The following FMNL3 variants were observed in gnomAD, a reference collection of about 807,000 sequenced individuals.
FMNL3 encodes formin like 3.
In FMNL3, 57 loss-of-function variants were observed where a neutral mutation model predicts 119.6. The observed-to-expected ratio is 0.48, with a 90% CI of 0.39 to 0.59. The LOEUF is 0.59. Ranked by LOEUF, FMNL3 falls within the 20% of genes least tolerant of loss-of-function variation. FMNL3 has a pLI of 0.00. For synonymous variants in FMNL3, 491 were observed against 507.3 expected, an observed-to-expected ratio of 0.97 and a Z score of 0.43; for missense variants, 1,053 against 1,323.5, an observed-to-expected ratio of 0.80 and a Z score of 3.17.
In FMNL3 at chr12:49,647,504, G is replaced by T; in HGVS notation, c.2779-136C>A. 1 of 1,045,692 alleles carries T rather than the reference G, an allele frequency of 9.6e-7. No individual in the cohort carries two copies. The highest frequency in any genetic ancestry group is 1.4e-6 in the Non-Finnish European group (1 of 694,346). 64.8% of individuals were successfully genotyped at this position (1,045,692 alleles called of 1,614,324 possible). A position where few individuals can be genotyped will look rare whatever the true frequency, so the allele number is the denominator to read the frequency against. ...GCCACCCTCTGGAGGGGCACTTCCT[G>T]CCCCAAACAATGACAGGAAGGTCCT... On this transcript the variant is annotated intron_variant, in intron 23 of 25. Transcript: ENST00000335154. This position sits in a 1 kb window ranked among gnomAD's most constrained non-coding sequence, Gnocchi z 4.9.
Position 49,637,031 on chromosome 12 carries a change from G to A in FMNL3, c.*8784C>T, listed in dbSNP as rs192922894. The stretch of plus-strand genomic sequence containing the variant: ...TGCTGTACCTCCTCAATTCTGGACT[G>A]TGCTCTTCTAGGGAGACTAGATGTA... On this transcript the variant is annotated 3_prime_UTR_variant, in exon 26 of 26. Coordinates refer to ENST00000335154, the MANE Select transcript of FMNL3 (RefSeq NM_175736.5). The A allele has an allele frequency of 1.1e-3, 997 of 923,134 alleles. 27 individuals are homozygous for A. In the South Asian group the frequency reaches 0.016, roughly 15 times the overall value. The allele number at this position is 923,134 out of a possible 1,614,324, so 57.2% of individuals were successfully genotyped here. A position where few individuals can be genotyped will look rare whatever the true frequency, so the allele number is the denominator to read the frequency against.
chr12:49,658,154 A>G (rs1398599147), intron 6 of FMNL3, among the ~76,000 whole-genome samples: 2 of 152,220 alleles, frequency 1.3e-5, no homozygotes, highest in Non-Finnish European at 2.9e-5. Context: ...GAGGAATGGC[A>G]GAGTGAGAGG....
intron 1 of FMNL3, among the ~76,000 whole-genome samples, chr12:49,677,043 C>T (rs905071296): frequency 6.6e-6 from 1 of 152,118 alleles, no homozygotes; most frequent in African/African-American, 2.4e-5. Context: ...CCTTCTGTCC[C>T]TAAGTTTTCT....
chr12:49,637,411 C>G lies in FMNL3; in HGVS notation c.*8404G>C. ...CTCTGCCATTCCCTCTCTTCCCCCTCAGTCTGTGGCTCTGCCTCCCTGTCT... is the reference window on the plus strand; with the variant it reads ...CTCTGCCATTCCCTCTCTTCCCCCTGAGTCTGTGGCTCTGCCTCCCTGTCT... On this transcript the variant is annotated 3_prime_UTR_variant, in exon 26 of 26. Transcript: ENST00000335154. 1 of 1,177,758 alleles carries G rather than the reference C, an allele frequency of 8.5e-7. No individual in the cohort carries two copies. The highest frequency in any genetic ancestry group is 1.2e-5 in the South Asian group (1 of 80,372). The allele number at this position is 1,177,758 out of a possible 1,614,324, so 73.0% of individuals were successfully genotyped here. A position where few individuals can be genotyped will look rare whatever the true frequency, so the allele number is the denominator to read the frequency against.
At chr12:49,662,492 C>T (rs1943763970) in intron 4 of FMNL3, among the ~76,000 whole-genome samples, 1 of 152,162 alleles carries the variant, frequency 6.6e-6, no homozygotes, top group Admixed American at 6.5e-5. Flanking sequence ...TCAGTCAAGA[C>T]CCCAGCAGGA....
rs1214101744 is a variant in FMNL3, at chr12:49,643,445, C to CT, written c.*2369dup. On this transcript the variant is annotated 3_prime_UTR_variant, in exon 26 of 26. Transcript: ENST00000335154. ...GAAGCTGGAGAACTGTTGTCCCAGACTGAGAGGATGCCCTCCACAAGCCCC... is the reference window on the plus strand; with the variant it reads ...GAAGCTGGAGAACTGTTGTCCCAGACTTGAGAGGATGCCCTCCACAAGCCCC... 1 of 1,521,594 alleles carries CT rather than the reference C, an allele frequency of 6.6e-7. No individual in the cohort carries two copies. The highest frequency in any genetic ancestry group is 1.3e-5 in the South Asian group (1 of 75,570). 94.3% of individuals were successfully genotyped at this position (1,521,594 alleles called of 1,614,324 possible).
intron 1 of FMNL3, among the ~76,000 whole-genome samples, chr12:49,679,715 T>C (rs1426097871): frequency 1.3e-5 from 2 of 151,892 alleles, no homozygotes; most frequent in Admixed American, 1.3e-4. Context: ...AGAGACAGGT[T>C]TCACCACGTT....
intron 8 of FMNL3, 48 bp downstream of exon 8, chr12:49,656,775 C>T (rs1286933755): frequency 1.9e-6 from 3 of 1,543,250 alleles, no homozygotes; most frequent in South Asian, 1.1e-5. Context: ...GTACAGATCT[C>T]CAGAGCCCTG....
rs773573283 is a variant in FMNL3 at position 49,636,780 on chromosome 12, G to T, written c.*9035C>A. 42 of 1,614,246 alleles carry T rather than the reference G, an allele frequency of 2.6e-5. No individual in the cohort carries two copies. Among genetic ancestry groups the T allele is most frequent in the Non-Finnish European group, 3.6e-5 (42 of 1,180,034 alleles). ...ACATCCGAGCTTTGGAGAGGGAAGA[G>T]GAGGAGGAACGGGAGCGGGCCCGGC... On this transcript the variant is annotated 3_prime_UTR_variant, in exon 26 of 26. Transcript: ENST00000335154.
chr12:49,669,149 C>T (rs1031264134), intron 1 of FMNL3, among the ~76,000 whole-genome samples: 1 of 152,160 alleles, frequency 6.6e-6, no homozygotes, highest in Non-Finnish European at 1.5e-5. Flanking sequence ...ATGAGAAGAA[C>T]ATTAGCATGA....
At position 49,707,332 on chromosome 12, in the gene FMNL3, C is replaced by G. The variant is rs936207446; in HGVS notation, c.-152G>C. On this transcript the variant is annotated 5_prime_UTR_variant, in exon 1 of 26. Transcript: ENST00000335154. The stretch of plus-strand genomic sequence containing the variant: ...AGGGCGCCGGGGGTTCCCTGGAGTC[C>G]CGCTGGCGGGGGCGCGCGGCGAGGG... 5.9e-5 allele frequency: 38 copies of G among 641,260 alleles called. No individual in the cohort carries two copies. The East Asian group carries it at 1.3e-3, about 22-fold the overall frequency. 39.7% of individuals were successfully genotyped at this position (641,260 alleles called of 1,614,324 possible). A position where few individuals can be genotyped will look rare whatever the true frequency, so the allele number is the denominator to read the frequency against.
Position 49,647,750 on chromosome 12 carries a change from G to C in FMNL3, c.2731C>G (p.Pro911Ala). The change falls in exon 23 of 26, where the codon CCT (proline) becomes GCT (alanine). Residue 911 changes from proline to alanine, a missense_variant. Around this residue, in one of 4 missense-constraint regions of FMNL3, gnomAD observed 324 missense variants for 380.9 expected, o/e 0.85. Coordinates refer to ENST00000335154, the MANE Select transcript of FMNL3 (RefSeq NM_175736.5). This position sits in a 1 kb window ranked among gnomAD's most constrained non-coding sequence, Gnocchi z 4.9. ...YFGESPKTTPPSVFFPVFVRF... is the reference protein window; with the variant it reads ...YFGESPKTTPASVFFPVFVRF... The stretch of plus-strand genomic sequence containing the variant: ...ACAAATACTGGGAAGAATACAGAAG[G>C]AGGTGTAGTCTTGGGACTCTCGCCA... The C allele has an allele frequency of 1.2e-6, 2 of 1,614,170 alleles. No individual in the cohort carries two copies. Among genetic ancestry groups the C allele is most frequent in the Non-Finnish European group, 1.7e-6 (2 of 1,180,008 alleles).
chr12:49,686,612 C>A (rs1000524843), intron 1 of FMNL3, among the ~76,000 whole-genome samples: 4 of 150,214 alleles, frequency 2.7e-5, no homozygotes, highest in Non-Finnish European at 5.9e-5. Flanking sequence ...TATTGAGCAC[C>A]TTTATGTCAG....
rs1942856113 is a variant in FMNL3, at chr12:49,642,825, G to A, written c.*2990C>T. 7.0e-7 allele frequency: 1 copy of A among 1,438,522 alleles called. No individual in the cohort carries two copies. Among genetic ancestry groups the A allele is most frequent in the South Asian group, 1.2e-5 (1 of 80,866 alleles). 89.1% of individuals were successfully genotyped at this position (1,438,522 alleles called of 1,614,324 possible). A position where few individuals can be genotyped will look rare whatever the true frequency, so the allele number is the denominator to read the frequency against. On this transcript the variant is annotated 3_prime_UTR_variant, in exon 26 of 26. Coordinates refer to ENST00000335154, the MANE Select transcript of FMNL3 (RefSeq NM_175736.5). This position sits in a 1 kb window ranked among gnomAD's most constrained non-coding sequence, Gnocchi z 5.8. ...CTGAGGATCCCTGGGATAGGCAGAA[G>A]GCTCTAGTCTGAGAAAGGGAGGCAA...
chr12:49,704,644 G>A (rs1282474565), intron 1 of FMNL3, among the ~76,000 whole-genome samples: 1 of 143,498 alleles, frequency 7.0e-6, no homozygotes, highest in East Asian at 2.3e-4. Flanking sequence ...CCGGGAGGCT[G>A]AGTTTGCAGT....
At chr12:49,691,948 T>C (rs1465232889) in intron 1 of FMNL3, among the ~76,000 whole-genome samples, 1 of 149,388 alleles carries the variant, frequency 6.7e-6, no homozygotes, top group Non-Finnish European at 1.5e-5. Context: ...GGCAGGAGAA[T>C]TGTTTGAACC....
rs1942846119 is a variant in FMNL3 at position 49,642,755 on chromosome 12, C to T, written c.*3060G>A. Reference sequence around the variant, plus strand: ...GTTCAACAGAGACCTCAGTGGCCTCCCTCTTACCCTTAGGGCACTCCTGGC... The same window carrying T: ...GTTCAACAGAGACCTCAGTGGCCTCTCTCTTACCCTTAGGGCACTCCTGGC... On this transcript the variant is annotated 3_prime_UTR_variant, in exon 26 of 26. Coordinates refer to ENST00000335154, the MANE Select transcript of FMNL3 (RefSeq NM_175736.5). The surrounding 1 kb of genome is among the most constrained non-coding windows in gnomAD (Gnocchi z 5.8). 1 of 1,499,096 alleles carries T rather than the reference C, an allele frequency of 6.7e-7. No individual in the cohort carries two copies. Among genetic ancestry groups the T allele is most frequent in the Non-Finnish European group, 9.1e-7 (1 of 1,096,608 alleles). 92.9% of individuals were successfully genotyped at this position (1,499,096 alleles called of 1,614,324 possible).
chr12:49,704,084 T>C (rs1944980473), intron 1 of FMNL3, among the ~76,000 whole-genome samples: 1 of 152,196 alleles, frequency 6.6e-6, no homozygotes, highest in Non-Finnish European at 1.5e-5. Flanking sequence ...CAGACTCTGC[T>C]AAGTATTTGA....
At chr12:49,663,702 C>G (rs1378019161) in intron 4 of FMNL3, among the ~76,000 whole-genome samples, 1 of 152,268 alleles carries the variant, frequency 6.6e-6, no homozygotes, top group East Asian at 1.9e-4. Flanking sequence ...CTGCTTTGGA[C>G]ATAGCTCCTG....
Sources: allele counts gnomAD v4.1 joint callset (sites outside exome capture counted in the v4.1 genomes callset), GRCh38; gene constraint gnomAD v4.1.1; regional missense constraint gnomAD v4.1.1; non-coding constraint Gnocchi (gnomAD v3.1); transcripts MANE v1.5; gene names NCBI Gene and HGNC (gene_info 2026-07-23, HGNC 2026-07-21).